The following GRAMD1B variants were observed in gnomAD, a reference collection of about 807,000 sequenced individuals.
GRAMD1B encodes protein Aster-B.
GRAMD1B carries 37 observed loss-of-function variants against 99.7 expected under a neutral mutation model. The ratio of observed to expected loss-of-function variants is 0.37; its 90% confidence interval spans 0.29 to 0.49. GRAMD1B has a LOEUF of 0.49. Ranked by LOEUF, GRAMD1B falls within the 20% of genes least tolerant of loss-of-function variation. GRAMD1B has a pLI of 0.98. For missense variants in GRAMD1B, 888 were observed against 1,009.2 expected (o/e 0.88, Z 1.63); for synonymous variants, 427 against 387.6 (o/e 1.10, Z -1.19).
intron 19 of GRAMD1B, among the ~76,000 whole-genome samples, chr11:123,621,146 C>T (rs1955074608): frequency 6.6e-6 from 1 of 152,100 alleles, no homozygotes; most frequent in African/African-American, 2.4e-5. Flanking sequence ...GTCTTGAGCA[C>T]AAGATATAAA....
chr11:123,618,469 C>T, intron 17 of GRAMD1B: 1 of 961,772 alleles, frequency 1.0e-6, no homozygotes, highest in Non-Finnish European at 1.7e-6. Context: ...CTTTCTAGTG[C>T]CTTCATCCCA....
intron 8 of GRAMD1B, among the ~76,000 whole-genome samples, chr11:123,602,862 T>C (rs1331807562): frequency 6.6e-6 from 1 of 152,128 alleles, no homozygotes; most frequent in Non-Finnish European, 1.5e-5. Flanking sequence ...CCTAAAACTG[T>C]GGGAACGTAA....
chr11:123,420,399 T>C (rs752365689), intron 1 of GRAMD1B, among the ~76,000 whole-genome samples: 1 of 152,252 alleles, frequency 6.6e-6, no homozygotes, highest in African/African-American at 2.4e-5. Flanking sequence ...TACACCTACA[T>C]TATTAATGGC....
intron 14 of GRAMD1B, among the ~76,000 whole-genome samples, chr11:123,611,826 T>C (rs189583752): frequency 9.0e-4 from 132 of 146,652 alleles, no homozygotes; most frequent in African/African-American, 2.9e-3. Context: ...AGGAGGGGGA[T>C]GAGGCTGGGC....
chr11:123,530,896 G>A (rs1943296528), intron 2 of GRAMD1B, among the ~76,000 whole-genome samples: 1 of 152,160 alleles, frequency 6.6e-6, no homozygotes, highest in Admixed American at 6.5e-5. Context: ...TGTGGCCCTG[G>A]TAGGTAACTT....
intron 1 of GRAMD1B, chr11:123,358,890 G>C (rs969719404): frequency 6.6e-6 from 1 of 152,556 alleles, no homozygotes; most frequent in African/African-American, 2.4e-5. Flanking sequence ...GGAGGCTGTG[G>C]AAACACTGGA....
upstream of GRAMD1B, among the ~76,000 whole-genome samples, chr11:123,429,376 G>A (rs992903450): frequency 6.6e-6 from 1 of 152,000 alleles, no homozygotes; most frequent in Non-Finnish European, 1.5e-5. This position sits in a 1 kb window ranked among gnomAD's most constrained non-coding sequence, Gnocchi z 4.0. Flanking sequence ...TTAGGGCCTG[G>A]GTCTAGAGAG....
intron 19 of GRAMD1B, among the ~76,000 whole-genome samples, chr11:123,621,249 G>A (rs1955084779): frequency 6.6e-6 from 1 of 152,150 alleles, no homozygotes; most frequent in Non-Finnish European, 1.5e-5. Context: ...GTCTTATGTT[G>A]TAATACAGCA....
intron 1 of GRAMD1B, among the ~76,000 whole-genome samples, chr11:123,445,419 TCTC>T (rs1203720164): frequency 6.6e-6 from 1 of 152,102 alleles, no homozygotes; most frequent in Non-Finnish European, 1.5e-5. Context: ...GGGTGGAGCT[TCTC>T]CTGGAAGAGT....
At chr11:123,444,771 C>T (rs1949562774) in intron 1 of GRAMD1B, among the ~76,000 whole-genome samples, 1 of 152,120 alleles carries the variant, frequency 6.6e-6, no homozygotes, top group Non-Finnish European at 1.5e-5. Flanking sequence ...AGTTCAGCAA[C>T]CCAGAAGCTC....
At chr11:123,402,959 T>A (rs1947720463) in intron 1 of GRAMD1B, among the ~76,000 whole-genome samples, 1 of 116,520 alleles carries the variant, frequency 8.6e-6, no homozygotes, top group Non-Finnish European at 1.7e-5. Context: ...ACCCAAAGGA[T>A]TAAAAATCTT....
intron 18 of GRAMD1B, 103 bp downstream of exon 18, chr11:123,618,903 C>T (rs1268042340): frequency 4.0e-6 from 3 of 746,716 alleles, no homozygotes. Context: ...TTCCCCATCC[C>T]TCTGGGATGA....
At chr11:123,450,470 C>T (rs1949838729) in intron 1 of GRAMD1B, among the ~76,000 whole-genome samples, 1 of 152,136 alleles carries the variant, frequency 6.6e-6, no homozygotes, top group Admixed American at 6.5e-5. Context: ...ATAGAGTCTG[C>T]CCTACAGGGG....
intron 1 of GRAMD1B, among the ~76,000 whole-genome samples, chr11:123,384,068 C>T (rs1197916961): frequency 6.6e-6 from 1 of 151,988 alleles, no homozygotes; most frequent in Admixed American, 6.6e-5. Context: ...ATGGGGTTTA[C>T]CATGTTGGCC....
intron 1 of GRAMD1B, among the ~76,000 whole-genome samples, chr11:123,479,474 A>T (rs1951473639): frequency 1.3e-5 from 2 of 152,222 alleles, no homozygotes; most frequent in Admixed American, 6.5e-5. Context: ...CAGGCGATCC[A>T]CCAGAACAAG....
intron 7 of GRAMD1B, among the ~76,000 whole-genome samples, chr11:123,600,259 T>A (rs1286228451): frequency 1.3e-5 from 2 of 152,152 alleles, no homozygotes; most frequent in Non-Finnish European, 2.9e-5. Flanking sequence ...AAGGACTTTG[T>A]CACACTGGGA....
intron 1 of GRAMD1B, among the ~76,000 whole-genome samples, chr11:123,442,698 AG>A (rs1949463151): frequency 6.6e-6 from 1 of 152,094 alleles, no homozygotes; most frequent in African/African-American, 2.4e-5. Context: ...TGAACCTGGG[AG>A]GTGGAGGTTG....
chr11:123,415,095 C>CTTTTTTTTTTTTTTTTT (rs1175202539), intron 1 of GRAMD1B, among the ~76,000 whole-genome samples: 6 of 75,814 alleles, frequency 7.9e-5, no homozygotes, highest in African/African-American at 1.1e-4. Context: ...CTTTTTCTTT[C>CTTTTTTTTTTTTTTTTT]TTTTTTTTTT....
chr11:123,548,313 T>C (rs370873242), intron 2 of GRAMD1B, among the ~76,000 whole-genome samples: 6,798 of 84,954 alleles, frequency 0.08, 268 homozygotes, highest in African/African-American at 0.13. Flanking sequence ...TATATATATA[T>C]ATATATATAT....
Sources: gnomAD v4.1 joint callset for allele counts (sites outside exome capture counted in the v4.1 genomes callset) on GRCh38, gnomAD v4.1.1 for gene constraint, Gnocchi (gnomAD v3.1) non-coding constraint, MANE v1.5 for transcripts, NCBI Gene and HGNC (gene_info 2026-07-23, HGNC 2026-07-21) for gene names.